The following CLDN16 variants were observed in gnomAD, a reference collection of about 807,000 sequenced individuals.
CLDN16 encodes the protein claudin-16.
In CLDN16, 13 loss-of-function variants were observed where a neutral mutation model predicts 24.6. That is an observed-to-expected ratio of 0.53 (90% CI 0.34 to 0.84). CLDN16 has a LOEUF of 0.84. Among genes scored for constraint, CLDN16 ranks in the 40% least tolerant of loss-of-function variants. The probability of loss-of-function intolerance (pLI) is 0.01; values close to 1 mark genes in which losing one functional copy is unlikely to be tolerated. For synonymous variants in CLDN16, 116 were observed against 106.7 expected (o/e 1.09, Z -0.54); for missense variants, 298 against 292.7 (o/e 1.02, Z -0.13).
chr3:190,395,864 ACTCTCT>A (rs906916049), intron 1 of CLDN16, among the ~76,000 whole-genome samples: 4 of 150,040 alleles, frequency 2.7e-5, no homozygotes, highest in Non-Finnish European at 5.9e-5. Context: ...GTGTATATTT[ACTCTCT>A]CTCTCTCTCT....
chr3:190,385,576 T>G (rs1220269388), upstream of CLDN16, among the ~76,000 whole-genome samples: 1 of 151,856 alleles, frequency 6.6e-6, no homozygotes, highest in Non-Finnish European at 1.5e-5. Flanking sequence ...CTAGATTTTT[T>G]TTTTTGTGAA....
intron 1 of CLDN16, among the ~76,000 whole-genome samples, chr3:190,355,450 C>T (rs1717748182): frequency 6.6e-6 from 1 of 151,968 alleles, no homozygotes; most frequent in Non-Finnish European, 1.5e-5. Flanking sequence ...TCTATCGACT[C>T]TATTTTTCTT....
At chr3:190,386,890 T>C (rs1718513007), upstream of CLDN16, among the ~76,000 whole-genome samples, 1 of 152,192 alleles carries the variant, frequency 6.6e-6, no homozygotes. Context: ...TTTTGAAAAA[T>C]GGTTTATCAA....
At chr3:190,303,989 T>C in the CLDN16 span, among the ~76,000 whole-genome samples, 1 of 152,176 alleles carries the variant, frequency 6.6e-6, no homozygotes, top group Admixed American at 6.5e-5. Context: ...GGATGGGTGT[T>C]ACTCAGAAAA....
At chr3:190,298,994 G>A in the CLDN16 span, among the ~76,000 whole-genome samples, 1 of 152,030 alleles carries the variant, frequency 6.6e-6, no homozygotes. Context: ...ATATGAAGTT[G>A]GATGTTTAAA....
At chr3:190,333,579 T>A (rs397832945) in intron 1 of CLDN16, among the ~76,000 whole-genome samples, 2 of 28,408 alleles carry the variant, frequency 7.0e-5, no homozygotes, top group Admixed American at 3.7e-4. Flanking sequence ...TCTATCTATC[T>A]ATCAATCATC....
At chr3:190,360,698 T>C (rs1396607364) in intron 1 of CLDN16, among the ~76,000 whole-genome samples, 2 of 151,974 alleles carry the variant, frequency 1.3e-5, no homozygotes, top group Non-Finnish European at 2.9e-5. Flanking sequence ...TTTCCTGCTT[T>C]TCTCGGATTA....
At chr3:190,370,803 G>T (rs544612178) in intron 1 of CLDN16, 1 of 151,728 alleles carries the variant, frequency 6.6e-6, no homozygotes, top group Non-Finnish European at 1.5e-5. Flanking sequence ...CTAATCAGCT[G>T]CCAGTGTGGC....
At chr3:190,318,523 C>T (rs1716829743), upstream of CLDN16, among the ~76,000 whole-genome samples, 1 of 152,120 alleles carries the variant, frequency 6.6e-6, no homozygotes, top group African/African-American at 2.4e-5. Flanking sequence ...CCATTCCTCC[C>T]ACTCTGCCCT....
At chr3:190,366,950 T>G (rs112241756) in intron 1 of CLDN16, among the ~76,000 whole-genome samples, 2 of 152,084 alleles carry the variant, frequency 1.3e-5, no homozygotes, top group African/African-American at 4.8e-5. Flanking sequence ...GAATGTCTGA[T>G]GTACACAAAG....
the CLDN16 span, among the ~76,000 whole-genome samples, chr3:190,312,189 C>T: frequency 6.6e-6 from 1 of 151,682 alleles, no homozygotes; most frequent in Non-Finnish European, 1.5e-5. Flanking sequence ...CCTCAGCCTC[C>T]AAAAGTGCTG....
At chr3:190,317,337 A>G in the CLDN16 span, among the ~76,000 whole-genome samples, 1 of 152,178 alleles carries the variant, frequency 6.6e-6, no homozygotes, top group Non-Finnish European at 1.5e-5. Context: ...TTTTAATTAT[A>G]TTTAGCTAGA....
At chr3:190,290,894 C>A in the CLDN16 span, among the ~76,000 whole-genome samples, 2 of 151,974 alleles carry the variant, frequency 1.3e-5, no homozygotes, top group Admixed American at 1.3e-4. Context: ...TTCTACATAT[C>A]TGTGGGAATA....
chr3:190,387,617 C>T (rs927599527), upstream of CLDN16, among the ~76,000 whole-genome samples: 1 of 152,138 alleles, frequency 6.6e-6, no homozygotes, highest in Non-Finnish European at 1.5e-5. Flanking sequence ...CAAGAATTTC[C>T]ACCCAGAGCT....
chr3:190,308,404 G>T, the CLDN16 span: 1 of 1,613,518 alleles, frequency 6.2e-7, no homozygotes, highest in East Asian at 2.2e-5. Flanking sequence ...AGAAGCAGCA[G>T]CCCAGCCAGT....
At chr3:190,402,934 T>C (rs991737921) in intron 2 of CLDN16, among the ~76,000 whole-genome samples, 1 of 151,978 alleles carries the variant, frequency 6.6e-6, no homozygotes, top group Admixed American at 6.6e-5. Context: ...GAGAGAGACA[T>C]AGACTATGGG....
chr3:190,291,164 T>C, the CLDN16 span, among the ~76,000 whole-genome samples: 8 of 152,260 alleles, frequency 5.3e-5, no homozygotes, highest in Admixed American at 5.2e-4. Context: ...ACTATCCCTT[T>C]GATATCTGAG....
upstream of CLDN16, chr3:190,388,150 G>A: frequency 1.9e-6 from 3 of 1,614,018 alleles, no homozygotes; most frequent in Non-Finnish European, 2.5e-6. Context: ...GTTGGTTACA[G>A]CCTGTTTGTA....
Position 190,404,869 on chromosome 3 carries a change from G to A in CLDN16, c.325G>A (p.Glu109Lys). 3.1e-6 allele frequency: 5 copies of A among 1,614,102 alleles called. No homozygotes were observed. Among genetic ancestry groups the A allele is most frequent in the Non-Finnish European group, 4.2e-6 (5 of 1,180,008 alleles). ...GLDCVKFLPDEPYIKVRICFV... is the reference protein window; with the variant it reads ...GLDCVKFLPDKPYIKVRICFV... ...TGACTGCGTGAAATTCCTCCCTGAT[G>A]AGCCGTACATTAAAGTCCGCATCTG... The change falls in exon 3 of 5, where the codon GAG becomes AAG. Residue 109 changes from glutamate (E) to lysine (K), a missense_variant. Coordinates refer to ENST00000264734, the MANE Select transcript of CLDN16 (RefSeq NM_006580.4).
Sources: gnomAD v4.1 joint callset for allele counts (sites outside exome capture counted in the v4.1 genomes callset) on GRCh38, gnomAD v4.1.1 for gene constraint, MANE v1.5 for transcripts, NCBI Gene and HGNC (gene_info 2026-07-23, HGNC 2026-07-21) for gene names.